The following RIMS2 variants were observed in gnomAD, a reference collection of about 807,000 sequenced individuals.
The protein encoded by RIMS2 is regulating synaptic membrane exocytosis protein 2.
RIMS2 carries 59 observed loss-of-function variants against 174.4 expected under a neutral mutation model. That is an observed-to-expected ratio of 0.34 (90% confidence interval 0.27 to 0.42). RIMS2 has a LOEUF of 0.42. Among genes scored for constraint, RIMS2 ranks in the 10% least tolerant of loss-of-function variants. The pLI, the probability that RIMS2 is intolerant of heterozygous loss-of-function variation, is 1.00. For missense variants in RIMS2, 1,620 were observed against 1,666.3 expected (o/e 0.97, Z 0.48); for synonymous variants, 606 against 572.5 (o/e 1.06, Z -0.84).
intron 1 of RIMS2, among the ~76,000 whole-genome samples, chr8:103,524,110 T>G (rs753774362): frequency 1.3e-5 from 2 of 152,174 alleles, no homozygotes; most frequent in Non-Finnish European, 2.9e-5. Flanking sequence ...TTTTTGCATT[T>G]GAACTGCTGA....
intron 1 of RIMS2, among the ~76,000 whole-genome samples, chr8:103,515,962 G>A (rs895694004): frequency 3.9e-5 from 6 of 151,964 alleles, no homozygotes; most frequent in African/African-American, 1.2e-4. Flanking sequence ...TAGTAATTTT[G>A]ATTAGTGTTG....
exon 4 of RIMS2, chr8:103,885,976 C>T (rs754850303): frequency 3.1e-6 from 5 of 1,613,026 alleles, no homozygotes; most frequent in Middle Eastern, 1.7e-4. Flanking sequence ...AACAGCACCA[C>T]TTAGATCCTA....
intron 3 of RIMS2, among the ~76,000 whole-genome samples, chr8:103,799,537 G>A (rs2098589757): frequency 1.3e-5 from 2 of 152,154 alleles, no homozygotes; most frequent in South Asian, 4.1e-4. Context: ...CACTAGTTTT[G>A]TTCTCAAAAA....
At chr8:103,817,785 T>A (rs1411332938) in intron 3 of RIMS2, among the ~76,000 whole-genome samples, 1 of 151,974 alleles carries the variant, frequency 6.6e-6, no homozygotes, top group Non-Finnish European at 1.5e-5. Context: ...AAATAAATAA[T>A]TAATTAATTT....
At chr8:104,100,554 A>G (rs1377295102) in intron 19 of RIMS2, among the ~76,000 whole-genome samples, 3 of 152,000 alleles carry the variant, frequency 2.0e-5, no homozygotes, top group Non-Finnish European at 4.4e-5. Context: ...CAATAGCCAT[A>G]TAGAATTACT....
intron 2 of RIMS2, among the ~76,000 whole-genome samples, chr8:103,756,997 G>GTT (rs1337989112): frequency 2.1e-5 from 3 of 141,986 alleles, no homozygotes; most frequent in African/African-American, 8.6e-5. Flanking sequence ...GTGTGTGTGT[G>GTT]TGTGTGTGTG....
chr8:104,116,309 G>A (rs905983247), intron 19 of RIMS2, among the ~76,000 whole-genome samples: 17 of 151,946 alleles, frequency 1.1e-4, no homozygotes, highest in African/African-American at 3.9e-4. Flanking sequence ...ATTAATCCAT[G>A]GTATTTCACA....
At chr8:103,856,664 G>T (rs530441702) in intron 3 of RIMS2, among the ~76,000 whole-genome samples, 2 of 152,158 alleles carry the variant, frequency 1.3e-5, no homozygotes, top group Non-Finnish European at 2.9e-5. Flanking sequence ...AACAACCAAA[G>T]CACTGATTCT....
chr8:103,612,436 G>A (rs569264202), intron 1 of RIMS2, among the ~76,000 whole-genome samples: 2 of 152,290 alleles, frequency 1.3e-5, no homozygotes, highest in South Asian at 4.1e-4. Context: ...TTCTTGAGAA[G>A]GTGTTTCAGG....
At chr8:103,886,650 C>A (rs1379792190) in intron 4 of RIMS2, among the ~76,000 whole-genome samples, 3 of 151,726 alleles carry the variant, frequency 2.0e-5, no homozygotes, top group Non-Finnish European at 4.4e-5. Flanking sequence ...CCAGATATAA[C>A]CATTGTTAAC....
At chr8:103,611,237 CTT>C (rs1377621061) in intron 1 of RIMS2, among the ~76,000 whole-genome samples, 2 of 151,888 alleles carry the variant, frequency 1.3e-5, no homozygotes, top group Non-Finnish European at 2.9e-5. Flanking sequence ...TGTTTTAAAA[CTT>C]TTTGTTGTTT....
At chr8:103,844,003 G>A (rs28667874) in intron 3 of RIMS2, among the ~76,000 whole-genome samples, 9,993 of 152,094 alleles carry the variant, frequency 0.066, 373 homozygotes, top group Non-Finnish European at 0.079. Flanking sequence ...TAAGTCTCAC[G>A]AGATCTGGTG....
intron 19 of RIMS2, among the ~76,000 whole-genome samples, chr8:104,057,823 G>GT (rs1480702029): frequency 1.4e-5 from 2 of 148,142 alleles, no homozygotes; most frequent in African/African-American, 5.0e-5. Context: ...ACGGTGTTTG[G>GT]TTTTTTGTCC....
At chr8:103,776,085 G>T (rs1434994188) in intron 3 of RIMS2, among the ~76,000 whole-genome samples, 1 of 152,084 alleles carries the variant, frequency 6.6e-6, no homozygotes, top group Non-Finnish European at 1.5e-5. Flanking sequence ...ATTAAAATAA[G>T]CTGGGGTGAG....
At chr8:103,909,377 A>G (rs1185406045) in intron 4 of RIMS2, among the ~76,000 whole-genome samples, 1 of 152,140 alleles carries the variant, frequency 6.6e-6, no homozygotes, top group African/African-American at 2.4e-5. Flanking sequence ...AATGGTGGAT[A>G]TACATTCTTA....
At chr8:104,058,941 T>G (rs1468663168) in intron 19 of RIMS2, among the ~76,000 whole-genome samples, 1 of 152,208 alleles carries the variant, frequency 6.6e-6, no homozygotes, top group Non-Finnish European at 1.5e-5. Flanking sequence ...TCTGTTTTGG[T>G]ATCAGTACCA....
Position 104,251,810 on chromosome 8 carries a change from C to T in RIMS2, c.4040C>T (p.Ser1347Phe), listed in dbSNP as rs934352845. The change falls in exon 24 of 24, where the codon TCT becomes TTT. Residue 1347 changes from serine to phenylalanine, a missense_variant. Coordinates refer to ENST00000504942, the Ensembl canonical transcript of RIMS2. Reference sequence around the variant, plus strand: ...GAAAGTTCAACTGGACCTTCTTACTCTCGTTCATAGCAGCTGTAAAAAAAT... The same window carrying T: ...GAAAGTTCAACTGGACCTTCTTACTTTCGTTCATAGCAGCTGTAAAAAAAT... 2 of 1,591,924 alleles carry T rather than the reference C, an allele frequency of 1.3e-6. No individual in the cohort carries two copies. Among genetic ancestry groups the T allele is most frequent in the South Asian group, 2.2e-5 (2 of 90,592 alleles).
chr8:103,794,795 A>C (rs1418912641), intron 3 of RIMS2, among the ~76,000 whole-genome samples: 2 of 152,378 alleles, frequency 1.3e-5, no homozygotes, highest in South Asian at 2.1e-4. Context: ...GACACTCCTC[A>C]AAAGAAGACA....
chr8:103,580,332 G>A (rs2093530728), intron 1 of RIMS2, among the ~76,000 whole-genome samples: 1 of 151,710 alleles, frequency 6.6e-6, no homozygotes, highest in African/African-American at 2.4e-5. Flanking sequence ...AGCTTGAAGG[G>A]GTGGAAAAAG....
Sources: allele counts gnomAD v4.1 joint callset (sites outside exome capture counted in the v4.1 genomes callset), GRCh38; gene constraint gnomAD v4.1.1; transcripts MANE v1.5; gene names NCBI Gene and HGNC (gene_info 2026-07-23, HGNC 2026-07-21).